The following CALN1 variants were observed in gnomAD, a reference collection of about 807,000 sequenced individuals.
CALN1 encodes calcium-binding protein 8.
In CALN1, 17 loss-of-function variants were observed where a neutral mutation model predicts 30.6. The observed-to-expected ratio is 0.56, with a 90% CI of 0.38 to 0.83. The LOEUF is 0.83. Ranked by LOEUF, CALN1 falls within the 40% of genes least tolerant of loss-of-function variation. CALN1 has a pLI of 0.00. For synonymous variants in CALN1, 156 were observed against 131.4 expected (o/e 1.19, Z -1.28); for missense variants, 291 against 354.9 (o/e 0.82, Z 1.45).
At chr7:72,276,793 C>T (rs9638644) in intron 3 of CALN1, among the ~76,000 whole-genome samples, 14,363 of 152,120 alleles carry the variant, frequency 0.094, 1,283 homozygotes, top group East Asian at 0.42. Flanking sequence ...GTCTTCAGAA[C>T]CATCAGCCAA....
intron 5 of CALN1, among the ~76,000 whole-genome samples, chr7:71,866,188 T>C (rs1315904715): frequency 6.6e-6 from 1 of 151,910 alleles, no homozygotes; most frequent in Non-Finnish European, 1.5e-5. Flanking sequence ...TTTGTATTTT[T>C]AGTAGAGATG....
At chr7:72,291,915 T>G (rs180933977) in intron 2 of CALN1, among the ~76,000 whole-genome samples, 13 of 151,946 alleles carry the variant, frequency 8.6e-5, no homozygotes, top group Non-Finnish European at 1.6e-4. Context: ...CCTGACCATA[T>G]GTTGAAATTC....
chr7:72,308,564 G>A (rs1190812283), intron 2 of CALN1, among the ~76,000 whole-genome samples: 2 of 152,090 alleles, frequency 1.3e-5, no homozygotes, highest in African/African-American at 4.8e-5. Flanking sequence ...AACGATATGA[G>A]GGATCCTGTC....
At chr7:71,933,057 C>A (rs1482185489) in intron 5 of CALN1, among the ~76,000 whole-genome samples, 1 of 152,018 alleles carries the variant, frequency 6.6e-6, no homozygotes, top group Non-Finnish European at 1.5e-5. Context: ...TAACAAAGAG[C>A]AGCCTGCAAA....
chr7:72,023,090 AATTGTCAC>A (rs1800801946), intron 5 of CALN1, among the ~76,000 whole-genome samples: 1 of 152,216 alleles, frequency 6.6e-6, no homozygotes, highest in Non-Finnish European at 1.5e-5. Flanking sequence ...ATCATAAAAT[AATTGTCAC>A]ATTTTAAGAG....
intron 5 of CALN1, among the ~76,000 whole-genome samples, chr7:72,022,944 A>T (rs7456298): frequency 4.5e-4 from 40 of 88,294 alleles, no homozygotes; most frequent in Middle Eastern, 4.3e-3. Context: ...AAAGAAATTT[A>T]AAAAAAAGAA....
At chr7:72,163,970 A>G (rs1325053305) in intron 3 of CALN1, among the ~76,000 whole-genome samples, 1 of 152,174 alleles carries the variant, frequency 6.6e-6, no homozygotes, top group Admixed American at 6.5e-5. Flanking sequence ...AAATGTAAAG[A>G]AAGGAGATAA....
intron 1 of CALN1, among the ~76,000 whole-genome samples, chr7:72,417,822 C>G (rs947896002): frequency 6.6e-5 from 10 of 152,106 alleles, no homozygotes; most frequent in Admixed American, 6.5e-4. Context: ...ACACCCTGGC[C>G]TTAAACATGA....
chr7:72,055,960 C>A (rs995337080), intron 4 of CALN1, among the ~76,000 whole-genome samples: 1 of 152,168 alleles, frequency 6.6e-6, no homozygotes, highest in Non-Finnish European at 1.5e-5. Flanking sequence ...GCTGAGGCTG[C>A]AGTGAGCTAT....
the CALN1 span, among the ~76,000 whole-genome samples, chr7:72,501,982 C>CACACAT: frequency 8.9e-6 from 1 of 112,848 alleles, no homozygotes; most frequent in African/African-American, 3.6e-5. Context: ...TATATACACA[C>CACACAT]ATATATATAT....
chr7:72,392,456 C>T (rs1476351745), intron 2 of CALN1, among the ~76,000 whole-genome samples: 1 of 152,106 alleles, frequency 6.6e-6, no homozygotes, highest in South Asian at 2.1e-4. Context: ...GAGAGCTGAA[C>T]GGTGCTGATG....
intron 6 of CALN1, among the ~76,000 whole-genome samples, chr7:71,801,057 T>C (rs2116060294): frequency 6.6e-6 from 1 of 152,278 alleles, no homozygotes; most frequent in East Asian, 1.9e-4. Flanking sequence ...AGTGAGAACA[T>C]GCGGTGTTTG....
At chr7:72,106,702 AAGGGAGGGAGGGAGGAAGGGAGGGAGGG>A (rs1327955895) in intron 3 of CALN1, among the ~76,000 whole-genome samples, 802 of 39,056 alleles carry the variant, frequency 0.021, 255 homozygotes, top group Middle Eastern at 0.037. Flanking sequence ...GGGAGGGAGG[AAGGGAGGGAGGGAGGAAGGGAGGGAGGG>A]AGGAAGGGAG....
chr7:72,008,923 C>T (rs182682735), intron 5 of CALN1, among the ~76,000 whole-genome samples: 30 of 152,190 alleles, frequency 2.0e-4, no homozygotes, highest in Non-Finnish European at 3.7e-4. Context: ...CCCAACGTGC[C>T]AGGATTACAG....
At chr7:72,274,611 G>A (rs1054142989) in intron 3 of CALN1, among the ~76,000 whole-genome samples, 5 of 151,702 alleles carry the variant, frequency 3.3e-5, no homozygotes, top group East Asian at 1.9e-4. Context: ...TCCATATAAT[G>A]CACTCTAAAA....
chr7:72,368,020 C>T (rs1803978218), intron 2 of CALN1, among the ~76,000 whole-genome samples: 1 of 151,962 alleles, frequency 6.6e-6, no homozygotes, highest in African/African-American at 2.4e-5. Flanking sequence ...ACTCAGGAGG[C>T]TGAGGCAGAA....
At chr7:71,869,991 G>A (rs1158741162) in intron 5 of CALN1, among the ~76,000 whole-genome samples, 2 of 152,150 alleles carry the variant, frequency 1.3e-5, no homozygotes, top group African/African-American at 2.4e-5. Flanking sequence ...TTAGCACATC[G>A]CAGGAAATCC....
intron 2 of CALN1, among the ~76,000 whole-genome samples, chr7:72,313,245 G>A (rs188436773): frequency 9.2e-5 from 14 of 151,976 alleles, no homozygotes; most frequent in Non-Finnish European, 1.8e-4. Context: ...ATGGTAATTC[G>A]GTACATAACA....
intron 4 of CALN1, chr7:72,104,168 C>T (rs1368986210): frequency 6.5e-6 from 1 of 153,538 alleles, no homozygotes; most frequent in Non-Finnish European, 1.5e-5. Context: ...CAAGTCCAAG[C>T]TGGTAGATGA....
Sources: gnomAD v4.1 joint callset for allele counts (sites outside exome capture counted in the v4.1 genomes callset) on GRCh38, gnomAD v4.1.1 for gene constraint, MANE v1.5 for transcripts, NCBI Gene and HGNC (gene_info 2026-07-23, HGNC 2026-07-21) for gene names.